Variants in PPFIA2 observed in about 807,000 individuals in gnomAD.
PPFIA2 encodes the protein PPFI scaffold protein A2.
In PPFIA2, 46 loss-of-function variants were observed where a neutral mutation model predicts 175.5. The ratio of observed to expected loss-of-function variants is 0.26; its 90% confidence interval spans 0.21 to 0.34. The LOEUF is 0.34. Among genes scored for constraint, PPFIA2 ranks in the 10% least tolerant of loss-of-function variants. The pLI is 1.00. For missense variants in PPFIA2, 1,179 were observed against 1,506.1 expected (o/e 0.78, Z 3.60); for synonymous variants, 568 against 511.4 (o/e 1.11, Z -1.49).
chr12:81,475,737 G>C (rs1427079549), intron 4 of PPFIA2, among the ~76,000 whole-genome samples: 2 of 152,108 alleles, frequency 1.3e-5, no homozygotes, highest in African/African-American at 4.8e-5. Context: ...GTTTTGAGAC[G>C]AGTCTCCTTC....
At chr12:81,533,333 T>A (rs920002445) in intron 4 of PPFIA2, among the ~76,000 whole-genome samples, 1 of 151,736 alleles carries the variant, frequency 6.6e-6, no homozygotes, top group Non-Finnish European at 1.5e-5. Context: ...CTTACGATTG[T>A]ATAATTTATC....
intron 4 of PPFIA2, among the ~76,000 whole-genome samples, chr12:81,467,661 T>G (rs1480922172): frequency 6.6e-6 from 1 of 152,244 alleles, no homozygotes. Flanking sequence ...TCTCTCTGAT[T>G]GCATCTATTA....
At chr12:81,423,368 C>T (rs952721271) in intron 7 of PPFIA2, among the ~76,000 whole-genome samples, 1 of 151,906 alleles carries the variant, frequency 6.6e-6, no homozygotes, top group African/African-American at 2.4e-5. Context: ...ACTAGCAAAC[C>T]CAATGCAACA....
At chr12:81,533,739 A>ATATATC (rs1567218759) in intron 4 of PPFIA2, among the ~76,000 whole-genome samples, 33 of 51,326 alleles carry the variant, frequency 6.4e-4, no homozygotes, top group African/African-American at 1.1e-3. Flanking sequence ...ATCTATCTAT[A>ATATATC]TATCTATCTA....
At position 81,506,174 on chromosome 12, in the gene PPFIA2, A is replaced by G. The variant is rs1429355357; in HGVS notation, c.304-48308T>C. Reference sequence around the variant, plus strand: ...CTGCAAAGTTACATTAGGCTTATACAATATTTTTTGTACTCATATTTCTAC... The same window carrying G: ...CTGCAAAGTTACATTAGGCTTATACGATATTTTTTGTACTCATATTTCTAC... On this transcript the variant is annotated intron_variant, in intron 4 of 32. Coordinates refer to ENST00000549396, the MANE Select transcript of PPFIA2 (RefSeq NM_003625.5). 8 of 152,338 alleles carry G rather than the reference A, an allele frequency of 5.3e-5. No individual in the cohort carries two copies. In the South Asian group the frequency reaches 1.0e-3, roughly 20 times the overall value. The allele number at this position is 152,338 out of a possible 1,614,324, so 9.4% of individuals were successfully genotyped here. A position where few individuals can be genotyped will look rare whatever the true frequency, so the allele number is the denominator to read the frequency against.
intron 4 of PPFIA2, among the ~76,000 whole-genome samples, chr12:81,627,714 G>A (rs766889053): frequency 2.0e-5 from 3 of 152,064 alleles, no homozygotes; most frequent in Non-Finnish European, 4.4e-5. Flanking sequence ...TACCTAAGAC[G>A]CACATATTAA....
chr12:81,526,820 T>A (rs993211930), intron 4 of PPFIA2, among the ~76,000 whole-genome samples: 2 of 152,190 alleles, frequency 1.3e-5, no homozygotes, highest in Admixed American at 6.5e-5. Context: ...AGGTTTAGTT[T>A]GCATATCATT....
At chr12:81,404,794 C>A (rs1177995007) in intron 8 of PPFIA2, among the ~76,000 whole-genome samples, 1 of 152,102 alleles carries the variant, frequency 6.6e-6, no homozygotes, top group Non-Finnish European at 1.5e-5. Flanking sequence ...TTTCTAACCA[C>A]ATAAGTGAGG....
intron 3 of PPFIA2, among the ~76,000 whole-genome samples, chr12:81,731,825 TAA>T: frequency 6.6e-6 from 1 of 151,718 alleles, no homozygotes; most frequent in African/African-American, 2.4e-5. Context: ...TGGTTCAGAT[TAA>T]GTTTGTTATA....
At chr12:81,270,423 T>A (rs1202902934) in intron 28 of PPFIA2, among the ~76,000 whole-genome samples, 1 of 152,120 alleles carries the variant, frequency 6.6e-6, no homozygotes, top group East Asian at 1.9e-4. Flanking sequence ...GGATATCAGG[T>A]CTTTATAGAA....
chr12:81,734,845 C>T lies in PPFIA2; in HGVS notation c.249+19128G>A, dbSNP rs555914891. 8.6e-5 allele frequency among the ~76,000 whole-genome samples: 13 copies of T among 151,864 alleles called. No individual in the cohort carries two copies. In the South Asian group the frequency reaches 2.7e-3, roughly 32 times the overall value. ...GTCACTTCCTATGCCCACCTCCAGCCGTAGGCAAACTTTAATCTCCTTTCC... is the reference window on the plus strand; with the variant it reads ...GTCACTTCCTATGCCCACCTCCAGCTGTAGGCAAACTTTAATCTCCTTTCC... On this transcript the variant is annotated intron_variant, in intron 3 of 32. Coordinates refer to ENST00000549396, the MANE Select transcript of PPFIA2 (RefSeq NM_003625.5).
chr12:81,490,636 A>G (rs2059328641), intron 4 of PPFIA2, among the ~76,000 whole-genome samples: 1 of 151,950 alleles, frequency 6.6e-6, no homozygotes, highest in African/African-American at 2.4e-5. Flanking sequence ...TGCAGGAGGA[A>G]AAGCAACAAC....
chr12:81,383,544 C>G (rs746213198), intron 9 of PPFIA2, among the ~76,000 whole-genome samples: 2 of 151,734 alleles, frequency 1.3e-5, no homozygotes, highest in Non-Finnish European at 2.9e-5. Context: ...TTATGTCTAA[C>G]AGGAATTTAA....
intron 22 of PPFIA2, among the ~76,000 whole-genome samples, chr12:81,304,391 A>G: frequency 6.6e-6 from 1 of 152,202 alleles, no homozygotes; most frequent in Non-Finnish European, 1.5e-5. Flanking sequence ...GACCTCAAAG[A>G]CCATACATTC....
chr12:81,289,399 C>T (rs1433065751), intron 24 of PPFIA2, among the ~76,000 whole-genome samples: 3 of 151,824 alleles, frequency 2.0e-5, no homozygotes, highest in African/African-American at 7.2e-5. Flanking sequence ...TTTATTTCCA[C>T]TGCACTTGCT....
intron 21 of PPFIA2, among the ~76,000 whole-genome samples, chr12:81,328,677 T>A (rs2055374167): frequency 6.6e-6 from 1 of 152,142 alleles, no homozygotes; most frequent in East Asian, 1.9e-4. Flanking sequence ...GGAATGTAAA[T>A]GTTTGTGTAT....
At chr12:81,354,135 G>C (rs1235410799) in intron 16 of PPFIA2, among the ~76,000 whole-genome samples, 1 of 152,166 alleles carries the variant, frequency 6.6e-6, no homozygotes, top group Non-Finnish European at 1.5e-5. Flanking sequence ...TGACTGATAA[G>C]GGTAATGGTT....
chr12:81,342,785 G>A (rs2058355053), intron 19 of PPFIA2, among the ~76,000 whole-genome samples: 1 of 151,886 alleles, frequency 6.6e-6, no homozygotes, highest in South Asian at 2.1e-4. Flanking sequence ...CATTTTTGCT[G>A]TCAGAATTTT....
chr12:81,559,029 TA>T (rs2069412498), intron 4 of PPFIA2, among the ~76,000 whole-genome samples: 2 of 152,222 alleles, frequency 1.3e-5, no homozygotes, highest in Admixed American at 1.3e-4. Context: ...ATTTCAGAGT[TA>T]ATAGCCCTGA....
Sources: allele counts gnomAD v4.1 joint callset (sites outside exome capture counted in the v4.1 genomes callset), GRCh38; gene constraint gnomAD v4.1.1; transcripts MANE v1.5; gene names NCBI Gene and HGNC (gene_info 2026-07-23, HGNC 2026-07-21).